Variants in FARS2 observed in about 807,000 individuals in gnomAD.
FARS2 encodes the protein phenylalanyl-tRNA synthetase 2, mitochondrial, also known as phenylalanine--tRNA ligase, mitochondrial.
In FARS2, 40 loss-of-function variants were observed where a neutral mutation model predicts 46.4. The ratio of observed to expected loss-of-function variants is 0.86; its 90% CI spans 0.67 to 1.12. The LOEUF (loss-of-function observed/expected upper bound fraction) is 1.12, where lower values mean the gene tolerates loss of function less well. Among genes scored for constraint, FARS2 ranks in the 50% most tolerant of loss-of-function variants. The pLI, the probability that FARS2 is intolerant of heterozygous loss-of-function variation, is 0.00. For missense variants in FARS2, 513 were observed against 567.9 expected (o/e 0.90, Z 0.98); for synonymous variants, 234 against 214.9 (o/e 1.09, Z -0.78).
intron 6 of FARS2, among the ~76,000 whole-genome samples, chr6:5,710,053 G>A (rs182512966): frequency 1.3e-5 from 2 of 152,168 alleles, no homozygotes; most frequent in Admixed American, 1.3e-4. Context: ...GCAGACCCTT[G>A]TCTCCTGAGA....
chr6:5,668,987 C>T (rs1778303397), intron 6 of FARS2, among the ~76,000 whole-genome samples: 1 of 152,122 alleles, frequency 6.6e-6, no homozygotes, highest in Non-Finnish European at 1.5e-5. Flanking sequence ...TGAGCCACCA[C>T]ACCCAGCCCA....
chr6:5,283,374 C>CAAAAAAA (rs1180107524), intron 1 of FARS2, among the ~76,000 whole-genome samples: 6 of 55,078 alleles, frequency 1.1e-4, no homozygotes, highest in East Asian at 6.8e-4. Flanking sequence ...ACTCCTGTCT[C>CAAAAAAA]AAAAAAAAAA....
chr6:5,539,406 A>ATATATATATATATATATATATATATT (rs1226634056), intron 4 of FARS2, among the ~76,000 whole-genome samples: 2 of 144,848 alleles, frequency 1.4e-5, no homozygotes, highest in African/African-American at 5.2e-5. Flanking sequence ...ATATGTATAT[A>ATATATATATATATATATATATATATT]TTTTTTTAGT....
intron 6 of FARS2, among the ~76,000 whole-genome samples, chr6:5,672,802 A>G (rs536417168): frequency 6.6e-6 from 1 of 152,280 alleles, no homozygotes; most frequent in Admixed American, 6.5e-5. Flanking sequence ...GTTGCCACTG[A>G]CAACATGTGT....
chr6:5,538,504 G>C (rs1158571380), intron 4 of FARS2, among the ~76,000 whole-genome samples: 1 of 152,144 alleles, frequency 6.6e-6, no homozygotes, highest in Admixed American at 6.5e-5. Flanking sequence ...AAAGTAAAAA[G>C]TGAATTTTGA....
chr6:5,295,118 A>C (rs547308929), intron 1 of FARS2, among the ~76,000 whole-genome samples: 1 of 152,198 alleles, frequency 6.6e-6, no homozygotes, highest in Admixed American at 6.5e-5. Flanking sequence ...TCAGTCTTGG[A>C]GAGTGGCACG....
intron 6 of FARS2, among the ~76,000 whole-genome samples, chr6:5,683,498 A>C (rs1184195022): frequency 6.6e-6 from 1 of 152,140 alleles, no homozygotes; most frequent in Non-Finnish European, 1.5e-5. Context: ...AGGGCAGGAA[A>C]AGGATTTCTA....
chr6:5,754,697 A>G (rs1762120014), intron 6 of FARS2, among the ~76,000 whole-genome samples: 1 of 152,224 alleles, frequency 6.6e-6, no homozygotes, highest in African/African-American at 2.4e-5. Context: ...GCTGGGTATA[A>G]TTGATGTAGG....
At chr6:5,419,634 A>G (rs1471541472) in intron 3 of FARS2, among the ~76,000 whole-genome samples, 1 of 152,204 alleles carries the variant, frequency 6.6e-6, no homozygotes, top group Non-Finnish European at 1.5e-5. Context: ...TCTAGCACCC[A>G]TACAATGAGG....
At chr6:5,278,139 A>G (rs1259835592) in intron 1 of FARS2, among the ~76,000 whole-genome samples, 2 of 152,234 alleles carry the variant, frequency 1.3e-5, no homozygotes, top group African/African-American at 4.8e-5. Context: ...GAGCCCTGAA[A>G]GATGAGAGTT....
At chr6:5,623,756 G>A (rs931622881) in intron 6 of FARS2, among the ~76,000 whole-genome samples, 6 of 151,942 alleles carry the variant, frequency 3.9e-5, no homozygotes, top group African/African-American at 1.5e-4. Flanking sequence ...AAGTGGCATC[G>A]ATGCTGGTCA....
intron 1 of FARS2, among the ~76,000 whole-genome samples, chr6:5,352,339 C>T (rs1757630014): frequency 6.6e-6 from 1 of 151,728 alleles, no homozygotes; most frequent in African/African-American, 2.4e-5. Flanking sequence ...AAAAAGCTTC[C>T]CAACCAGAAG....
chr6:5,419,442 G>T (rs1762419278), intron 3 of FARS2, among the ~76,000 whole-genome samples: 1 of 152,110 alleles, frequency 6.6e-6, no homozygotes, highest in South Asian at 2.1e-4. Flanking sequence ...ATTTTGGGTT[G>T]CAGGGTCATA....
At chr6:5,745,027 C>T (rs1414494545) in intron 6 of FARS2, among the ~76,000 whole-genome samples, 1 of 152,164 alleles carries the variant, frequency 6.6e-6, no homozygotes, top group Non-Finnish European at 1.5e-5. Context: ...GGTGTTTATA[C>T]CCTAGTCTGT....
chr6:5,646,156 G>A (rs1040774668), intron 6 of FARS2, among the ~76,000 whole-genome samples: 3 of 152,114 alleles, frequency 2.0e-5, no homozygotes, highest in Non-Finnish European at 2.9e-5. Flanking sequence ...GGGAGATACA[G>A]GGTAAAAATG....
intron 5 of FARS2, among the ~76,000 whole-genome samples, chr6:5,575,192 A>G (rs1208005096): frequency 2.6e-5 from 4 of 152,202 alleles, no homozygotes; most frequent in African/African-American, 7.2e-5. Flanking sequence ...ACCATAAAGC[A>G]CAAAATTCCA....
chr6:5,683,622 A>G (rs1251511958), intron 6 of FARS2, among the ~76,000 whole-genome samples: 1 of 146,728 alleles, frequency 6.8e-6, no homozygotes, highest in Non-Finnish European at 1.5e-5. Flanking sequence ...TTTTTCTTTT[A>G]CTTTAAGTTC....
At chr6:5,306,780 A>G (rs1036762477) in intron 1 of FARS2, among the ~76,000 whole-genome samples, 3 of 152,208 alleles carry the variant, frequency 2.0e-5, no homozygotes, top group Non-Finnish European at 4.4e-5. Context: ...TCTTCTGTAC[A>G]GTAACAAGTC....
In FARS2 at chr6:5,343,503, C is replaced by T. The variant is rs73367033; in HGVS notation, c.-21-25047C>T. 0.055 allele frequency among the ~76,000 whole-genome samples: 8,407 copies of T among 152,182 alleles called. 266 individuals are homozygous for T. The highest frequency in any genetic ancestry group is 0.14 in the Middle Eastern group (40 of 294). ...CTGGGATTACAGGCGTGAACCACCG[C>T]GCCTGGCCTACATTTCAGTTATTCT... On this transcript the variant is annotated intron_variant, in intron 1 of 6. Transcript: ENST00000274680. The surrounding 1 kb of genome is among the most constrained non-coding windows in gnomAD (Gnocchi z 4.5).
Sources: allele counts gnomAD v4.1 joint callset (sites outside exome capture counted in the v4.1 genomes callset), GRCh38; gene constraint gnomAD v4.1.1; non-coding constraint Gnocchi (gnomAD v3.1); transcripts MANE v1.5; gene names NCBI Gene and HGNC (gene_info 2026-07-23, HGNC 2026-07-21).